Variants in TCF7L1 observed in about 807,000 individuals in gnomAD.
TCF7L1 encodes transcription factor 7-like 1.
A neutral mutation model predicts 63.7 loss-of-function variants in TCF7L1; 18 were observed. The observed-to-expected ratio is 0.28, with a 90% CI of 0.20 to 0.42. The LOEUF (loss-of-function observed/expected upper bound fraction) is 0.42. Among genes scored for constraint, TCF7L1 ranks in the 10% least tolerant of loss-of-function variants. The probability of loss-of-function intolerance (pLI) is 1.00; values close to 1 mark genes in which losing one functional copy is unlikely to be tolerated. For missense variants in TCF7L1, 654 were observed against 779.3 expected, an observed-to-expected ratio of 0.84 and a Z score of 1.91; for synonymous variants, 355 against 340.9, an observed-to-expected ratio of 1.04 and a Z score of -0.46.
At chr2:85,174,363 C>T (rs1678628483) in intron 3 of TCF7L1, among the ~76,000 whole-genome samples, 2 of 152,162 alleles carry the variant, frequency 1.3e-5, no homozygotes, top group Non-Finnish European at 2.9e-5. Flanking sequence ...GGATATACTA[C>T]ATTTTGTATA....
intron 4 of TCF7L1, among the ~76,000 whole-genome samples, chr2:85,300,738 G>T (rs72934684): frequency 0.018 from 2,713 of 152,060 alleles, 83 homozygotes; most frequent in African/African-American, 0.062. Context: ...GCCATTTGGA[G>T]TTGTAGCCCT....
chr2:85,202,248 G>A (rs1459516309), intron 3 of TCF7L1, among the ~76,000 whole-genome samples: 1 of 152,156 alleles, frequency 6.6e-6, no homozygotes, highest in Non-Finnish European at 1.5e-5. Context: ...ACAGGCATGA[G>A]CCACCATGCC....
At chr2:85,135,553 C>T (rs1677572750) in intron 3 of TCF7L1, among the ~76,000 whole-genome samples, 3 of 152,102 alleles carry the variant, frequency 2.0e-5, no homozygotes, top group African/African-American at 7.2e-5. Context: ...CCTAAAATAA[C>T]GACGATAATT....
chr2:85,177,663 C>T (rs534620445), intron 3 of TCF7L1, among the ~76,000 whole-genome samples: 6 of 152,226 alleles, frequency 3.9e-5, no homozygotes, highest in African/African-American at 1.4e-4. Context: ...CATGATTGCG[C>T]CACTGCACTC....
At chr2:85,279,113 G>A (rs1270528312) in intron 3 of TCF7L1, among the ~76,000 whole-genome samples, 1 of 152,232 alleles carries the variant, frequency 6.6e-6, no homozygotes, top group Non-Finnish European at 1.5e-5. Context: ...CCTAGACTGG[G>A]CATGGAGAAA....
chr2:85,158,357 T>C (rs1678199911), intron 3 of TCF7L1, among the ~76,000 whole-genome samples: 2 of 152,162 alleles, frequency 1.3e-5, no homozygotes, highest in East Asian at 1.9e-4. Context: ...TTGGGTCTGG[T>C]GTCCAGGAGA....
intron 3 of TCF7L1, among the ~76,000 whole-genome samples, chr2:85,258,505 G>A (rs1213933049): frequency 6.6e-6 from 1 of 152,206 alleles, no homozygotes; most frequent in African/African-American, 2.4e-5. Context: ...AGACCTCATA[G>A]GACAAGATGG....
chr2:85,246,318 A>G (rs1221984112), intron 3 of TCF7L1, among the ~76,000 whole-genome samples: 1 of 152,252 alleles, frequency 6.6e-6, no homozygotes, highest in Non-Finnish European at 1.5e-5. Context: ...TAAATGTGTC[A>G]AAATTGACAG....
At chr2:85,284,636 G>A (rs905362947) in intron 4 of TCF7L1, among the ~76,000 whole-genome samples, 19 of 152,122 alleles carry the variant, frequency 1.2e-4, no homozygotes, top group Admixed American at 7.2e-4. Context: ...ACTGGTGCTC[G>A]CCGACTGTAC....
At position 85,134,010 on chromosome 2, in the gene TCF7L1, C is replaced by T. The variant is rs1479980628; in HGVS notation, c.250-6C>T. Reference sequence around the variant, plus strand: ...ACCCGCTCTTGCCTTTGTGTCTCCTCCGCAGGCGGAGAGGCGCCCGCAGCC... The same window carrying T: ...ACCCGCTCTTGCCTTTGTGTCTCCTTCGCAGGCGGAGAGGCGCCCGCAGCC... On this transcript the variant is annotated splice_region_variant and splice_polypyrimidine_tract_variant and intron_variant, in intron 1 of 11. Coordinates refer to ENST00000282111, the MANE Select transcript of TCF7L1 (RefSeq NM_031283.3). The surrounding 1 kb of genome is among the most constrained non-coding windows in gnomAD (Gnocchi z 5.0). 1.9e-6 allele frequency: 3 copies of T among 1,609,544 alleles called. No individual in the cohort carries two copies. The African/African-American group carries it at 4.0e-5, about 22-fold the overall frequency.
At chr2:85,275,929 A>AAAG (rs1239654861) in intron 3 of TCF7L1, among the ~76,000 whole-genome samples, 1 of 151,740 alleles carries the variant, frequency 6.6e-6, no homozygotes, top group Non-Finnish European at 1.5e-5. Flanking sequence ...CAAAAAAAAA[A>AAAG]AAAAAAAATA....
At chr2:85,196,154 C>T (rs899554727) in intron 3 of TCF7L1, among the ~76,000 whole-genome samples, 3 of 152,202 alleles carry the variant, frequency 2.0e-5, no homozygotes, top group Non-Finnish European at 2.9e-5. Context: ...AGGACTCATA[C>T]GAGAAGCAGG....
chr2:85,151,865 T>G (rs1678024848), intron 3 of TCF7L1, among the ~76,000 whole-genome samples: 1 of 152,216 alleles, frequency 6.6e-6, no homozygotes, highest in Non-Finnish European at 1.5e-5. Flanking sequence ...CAGTAAAAAT[T>G]TGCTGACCCT....
At chr2:85,224,666 T>G (rs1679918866) in intron 3 of TCF7L1, among the ~76,000 whole-genome samples, 1 of 152,266 alleles carries the variant, frequency 6.6e-6, no homozygotes. Flanking sequence ...TTAAGTTCTT[T>G]GTAGATTCTG....
intron 3 of TCF7L1, among the ~76,000 whole-genome samples, chr2:85,281,000 T>A (rs1194079505): frequency 6.7e-6 from 1 of 149,202 alleles, no homozygotes; most frequent in Non-Finnish European, 1.5e-5. Context: ...CGTTTAGCCT[T>A]TGTTTATGTC....
intron 4 of TCF7L1, among the ~76,000 whole-genome samples, chr2:85,298,020 C>T (rs954632771): frequency 1.3e-5 from 2 of 150,268 alleles, no homozygotes; most frequent in African/African-American, 2.4e-5. Context: ...TGCAGTGGTG[C>T]GATCTCGGCT....
chr2:85,221,111 T>A (rs917666285), intron 3 of TCF7L1, among the ~76,000 whole-genome samples: 2 of 152,176 alleles, frequency 1.3e-5, no homozygotes, highest in African/African-American at 4.8e-5. Flanking sequence ...ACGGAAAAGA[T>A]GAAATAATTA....
chr2:85,172,466 G>A (rs777535713), intron 3 of TCF7L1, among the ~76,000 whole-genome samples: 18 of 152,234 alleles, frequency 1.2e-4, no homozygotes, highest in East Asian at 5.8e-4. Flanking sequence ...TCGCTCTGTC[G>A]CCCAGGCTGG....
chr2:85,271,452 A>G (rs989306701), intron 3 of TCF7L1, among the ~76,000 whole-genome samples: 2 of 152,164 alleles, frequency 1.3e-5, no homozygotes, highest in South Asian at 4.1e-4. Flanking sequence ...TATCTGCTTT[A>G]CCTATATCCA....
Sources: gnomAD v4.1 joint callset for allele counts (sites outside exome capture counted in the v4.1 genomes callset) on GRCh38, gnomAD v4.1.1 for gene constraint, Gnocchi (gnomAD v3.1) non-coding constraint, MANE v1.5 for transcripts, NCBI Gene and HGNC (gene_info 2026-07-23, HGNC 2026-07-21) for gene names.